Variants in PIK3C2G observed in about 807,000 individuals in gnomAD.
PIK3C2G encodes phosphatidylinositol 3-kinase C2 domain-containing subunit gamma.
PIK3C2G carries 168 observed loss-of-function variants against 181.1 expected under a neutral mutation model. That is an observed-to-expected ratio of 0.93 (90% CI 0.82 to 1.05). The LOEUF is 1.05. Among genes scored for constraint, PIK3C2G ranks in the 50% least tolerant of loss-of-function variants. The pLI, the probability that PIK3C2G is intolerant of heterozygous loss-of-function variation, is 0.00. For missense variants in PIK3C2G, 1,869 were observed against 1,732.8 expected (o/e 1.08, Z -1.40); for synonymous variants, 573 against 592.2 (o/e 0.97, Z 0.47).
At chr12:18,606,055 C>T (rs1029680862) in intron 30 of PIK3C2G, among the ~76,000 whole-genome samples, 1 of 152,172 alleles carries the variant, frequency 6.6e-6, no homozygotes, top group Non-Finnish European at 1.5e-5. Flanking sequence ...AGCCTCTCTA[C>T]TCCTACTGCT....
chr12:18,611,165 C>T (rs1948310878), intron 31 of PIK3C2G, among the ~76,000 whole-genome samples: 1 of 151,982 alleles, frequency 6.6e-6, no homozygotes, highest in Admixed American at 6.6e-5. Context: ...GTCATGCAAG[C>T]ATGAAGCAGG....
intron 31 of PIK3C2G, among the ~76,000 whole-genome samples, chr12:18,632,779 A>G (rs892568702): frequency 4.2e-4 from 64 of 152,344 alleles, no homozygotes; most frequent in African/African-American, 1.5e-3. Flanking sequence ...TATTCTATTC[A>G]GGATTTGATG....
At chr12:18,620,990 T>G (rs1236171931) in intron 31 of PIK3C2G, among the ~76,000 whole-genome samples, 1 of 152,070 alleles carries the variant, frequency 6.6e-6, no homozygotes, top group African/African-American at 2.4e-5. Flanking sequence ...TCTAAATTAG[T>G]AAGTTCTTCT....
At chr12:18,582,014 G>T (rs1405457923) in intron 29 of PIK3C2G, among the ~76,000 whole-genome samples, 3 of 152,290 alleles carry the variant, frequency 2.0e-5, no homozygotes, top group African/African-American at 7.2e-5. Flanking sequence ...TGCGTCAAAT[G>T]CTACTGATGG....
chr12:18,694,621 A>C, the PIK3C2G span, among the ~76,000 whole-genome samples: 6 of 152,274 alleles, frequency 3.9e-5, no homozygotes, highest in Admixed American at 1.3e-4. Context: ...TGTATCTCAC[A>C]ATATTAAATG....
At chr12:18,364,882 AAAACAAAC>A (rs139815938) in intron 12 of PIK3C2G, among the ~76,000 whole-genome samples, 111 of 151,808 alleles carry the variant, frequency 7.3e-4, no homozygotes, top group African/African-American at 2.2e-3. Flanking sequence ...AGCAAGTCTA[AAAACAAAC>A]AAACAAACAA....
At chr12:18,723,473 G>A in the PIK3C2G span, 3 of 1,612,908 alleles carry the variant, frequency 1.9e-6, no homozygotes, top group Admixed American at 1.7e-5. Context: ...TCTTCTCTGT[G>A]CGTGATAATT....
intron 16 of PIK3C2G, among the ~76,000 whole-genome samples, chr12:18,405,078 A>G (rs1488191084): frequency 6.6e-6 from 1 of 152,182 alleles, no homozygotes; most frequent in Non-Finnish European, 1.5e-5. Context: ...TTGATAGATA[A>G]TTGCATCATT....
intron 14 of PIK3C2G, 125 bp downstream of exon 14, chr12:18,382,005 C>T: frequency 1.5e-6 from 1 of 659,092 alleles, no homozygotes; most frequent in Non-Finnish European, 2.7e-6. Flanking sequence ...TGCCTCCAGC[C>T]TTCTGGGATT....
chr12:18,315,360 T>C (rs1009523179), intron 6 of PIK3C2G, among the ~76,000 whole-genome samples: 1 of 152,236 alleles, frequency 6.6e-6, no homozygotes, highest in South Asian at 2.1e-4. Context: ...ACCCTGTCAA[T>C]ATTAAACTTA....
intron 24 of PIK3C2G, among the ~76,000 whole-genome samples, chr12:18,526,909 TC>T (rs954756325): frequency 2.6e-5 from 4 of 152,168 alleles, no homozygotes; most frequent in African/African-American, 4.8e-5. Flanking sequence ...TTTGAATAGC[TC>T]CCTTATATCA....
At chr12:18,315,232 CAA>C (rs982002616) in intron 6 of PIK3C2G, among the ~76,000 whole-genome samples, 3 of 151,874 alleles carry the variant, frequency 2.0e-5, no homozygotes, top group Non-Finnish European at 4.4e-5. Context: ...ATAATGAGGC[CAA>C]AAGACAGTTG....
intron 5 of PIK3C2G, among the ~76,000 whole-genome samples, chr12:18,296,100 GATCATGAAA>G (rs890232186): frequency 3.9e-5 from 6 of 152,022 alleles, no homozygotes; most frequent in Admixed American, 3.9e-4. Context: ...TGGTCAAATA[GATCATGAAA>G]CATATGACTA....
At chr12:18,531,801 T>C (rs1943570240) in intron 24 of PIK3C2G, among the ~76,000 whole-genome samples, 2 of 152,228 alleles carry the variant, frequency 1.3e-5, no homozygotes, top group Non-Finnish European at 2.9e-5. Flanking sequence ...ATCTTAGTTG[T>C]TTGCATTTTC....
At chr12:18,308,451 G>T (rs1476979669) in intron 5 of PIK3C2G, among the ~76,000 whole-genome samples, 3 of 150,480 alleles carry the variant, frequency 2.0e-5, no homozygotes, top group African/African-American at 7.3e-5. Flanking sequence ...AAGCCCTATG[G>T]AATATAGATC....
the PIK3C2G span, chr12:18,701,435 AT>A: frequency 1.9e-6 from 3 of 1,606,034 alleles, no homozygotes; most frequent in Non-Finnish European, 2.5e-6. Flanking sequence ...TTTTAAAAAA[AT>A]CTCCAAGAAT....
At chr12:18,688,308 T>C in the PIK3C2G span, 1 of 1,362,246 alleles carries the variant, frequency 7.3e-7, no homozygotes, top group Admixed American at 2.0e-5. Flanking sequence ...TTACAAAAAG[T>C]TGATGGACTC....
intron 5 of PIK3C2G, among the ~76,000 whole-genome samples, chr12:18,298,158 T>C (rs1415421100): frequency 3.3e-5 from 5 of 152,008 alleles, no homozygotes; most frequent in African/African-American, 9.7e-5. Context: ...GTATAAGAGC[T>C]CCCTTTTCTC....
chr12:18,461,866 G>C (rs566701151), intron 18 of PIK3C2G, among the ~76,000 whole-genome samples: 28 of 152,278 alleles, frequency 1.8e-4, no homozygotes, highest in African/African-American at 6.5e-4. Flanking sequence ...TGTTATAGCA[G>C]ACTGAGTGAA....
Sources: gnomAD v4.1 joint callset for allele counts (sites outside exome capture counted in the v4.1 genomes callset) on GRCh38, gnomAD v4.1.1 for gene constraint, MANE v1.5 for transcripts, NCBI Gene and HGNC (gene_info 2026-07-23, HGNC 2026-07-21) for gene names.